Variants in CORO2B observed in about 807,000 individuals in gnomAD.
CORO2B encodes coronin 2B.
Under a neutral mutation model 58.8 loss-of-function variants are expected in CORO2B, and 26 were observed. The observed-to-expected ratio is 0.44, with a 90% CI of 0.32 to 0.61. The LOEUF (loss-of-function observed/expected upper bound fraction) is 0.61. Among genes scored for constraint, CORO2B ranks in the 20% least tolerant of loss-of-function variants. The pLI is 0.04. For missense variants in CORO2B, 460 were observed against 645.1 expected (o/e 0.71, Z 3.11); for synonymous variants, 242 against 253.8 (o/e 0.95, Z 0.44).
intron 2 of CORO2B, among the ~76,000 whole-genome samples, chr15:68,688,767 G>T (rs1342676397): frequency 6.6e-6 from 1 of 152,200 alleles, no homozygotes; most frequent in African/African-American, 2.4e-5. Context: ...GACTGTTTCA[G>T]TGTGCTTCTC....
At position 68,579,023 on chromosome 15, in the gene CORO2B, G is replaced by A. The variant is rs1899343148; in HGVS notation, c.-240G>A. The A allele has an allele frequency of 2.0e-6, 2 of 984,622 alleles. No homozygotes were observed. The highest frequency in any genetic ancestry group is 1.8e-5 in the African/African-American group (1 of 57,084). 61.0% of individuals were successfully genotyped at this position (984,622 alleles called of 1,614,324 possible). On this transcript the variant is annotated 5_prime_UTR_variant, in exon 1 of 12. Coordinates refer to ENST00000261861, the MANE Select transcript of CORO2B (RefSeq NM_006091.5). Reference sequence around the variant, plus strand: ...TGCCTCGCCTTCCTGCGGCGAAGGAGGCTCATCTATTATAAATGCACATTC... The same window carrying A: ...TGCCTCGCCTTCCTGCGGCGAAGGAAGCTCATCTATTATAAATGCACATTC...
chr15:68,710,912 G>C lies in CORO2B; in HGVS notation c.483+31G>C. The C allele has an allele frequency of 6.4e-7, 1 of 1,563,252 alleles. No individual in the cohort carries two copies. Among genetic ancestry groups the C allele is most frequent in the Non-Finnish European group, 8.7e-7 (1 of 1,150,024 alleles). ...CAGTGGGCAGGCAGCTGGGTGGAGA[G>C]GGATTGGGGAAGAGAAAGGGGCCTT... On this transcript the variant is annotated intron_variant, in intron 4 of 11. Coordinates refer to ENST00000261861, the MANE Select transcript of CORO2B (RefSeq NM_006091.5). This position sits in a 1 kb window ranked among gnomAD's most constrained non-coding sequence, Gnocchi z 4.1.
upstream of CORO2B, among the ~76,000 whole-genome samples, chr15:68,576,620 T>C (rs1368247104): frequency 6.6e-6 from 1 of 152,120 alleles, no homozygotes; most frequent in East Asian, 1.9e-4. Context: ...TTTAAAGGTT[T>C]CCGATGGGGT....
At chr15:68,683,802 G>C (rs1028791446) in intron 2 of CORO2B, among the ~76,000 whole-genome samples, 1 of 152,194 alleles carries the variant, frequency 6.6e-6, no homozygotes, top group African/African-American at 2.4e-5. Flanking sequence ...CTCACAGCCT[G>C]GTGGCAGGGA....
At chr15:68,531,799 C>T in the CORO2B span, among the ~76,000 whole-genome samples, 2 of 151,218 alleles carry the variant, frequency 1.3e-5, no homozygotes, top group African/African-American at 4.9e-5. Context: ...CATTTTACTT[C>T]TGCCTAAAGG....
the CORO2B span, among the ~76,000 whole-genome samples, chr15:68,570,122 A>G: frequency 6.6e-6 from 1 of 152,358 alleles, no homozygotes; most frequent in African/African-American, 2.4e-5. Context: ...TGCCATATGT[A>G]GATGACTAGG....
chr15:68,708,026 G>A (rs533326388), intron 3 of CORO2B, among the ~76,000 whole-genome samples: 25 of 152,092 alleles, frequency 1.6e-4, no homozygotes, highest in Non-Finnish European at 3.5e-4. Context: ...GGATGACAAT[G>A]GGGATGGGAA....
intron 1 of CORO2B, among the ~76,000 whole-genome samples, chr15:68,622,744 A>C (rs1488531055): frequency 6.6e-6 from 1 of 152,064 alleles, no homozygotes; most frequent in Non-Finnish European, 1.5e-5. Context: ...GGGATGCAGC[A>C]GAGGACCAAG....
intron 5 of CORO2B, among the ~76,000 whole-genome samples, chr15:68,712,972 G>GCTAGAA (rs918365113): frequency 7.9e-5 from 12 of 152,172 alleles, no homozygotes; most frequent in Non-Finnish European, 1.5e-4. Context: ...TTTTGGTGGA[G>GCTAGAA]CTAGAACTAG....
At chr15:68,633,257 C>T (rs1279497256) in intron 1 of CORO2B, among the ~76,000 whole-genome samples, 2 of 151,924 alleles carry the variant, frequency 1.3e-5, no homozygotes, top group Admixed American at 1.3e-4. Context: ...AACTGTTGGC[C>T]ACAGATCCCA....
the CORO2B span, among the ~76,000 whole-genome samples, chr15:68,568,353 A>G: frequency 6.6e-6 from 1 of 151,948 alleles, no homozygotes; most frequent in Admixed American, 6.6e-5. Context: ...ATGTGTATAG[A>G]GTGCCTAACA....
intron 1 of CORO2B, among the ~76,000 whole-genome samples, chr15:68,596,641 G>A (rs911671689): frequency 2.6e-5 from 4 of 152,128 alleles, no homozygotes; most frequent in African/African-American, 7.2e-5. Flanking sequence ...AAGGCTGGAG[G>A]CCTGGAGCCC....
rs1009300851 is a variant in CORO2B, at chr15:68,616,735, C to T, written c.16-28425C>T. On this transcript the variant is annotated intron_variant, in intron 1 of 11. Transcript: ENST00000261861. ...GGGCCCCGAGAGCTGGGTCTTGCCT[C>T]TTGGGTGCACGTGGTCTCATGGGGG... 3 of 495,986 alleles carry T rather than the reference C, an allele frequency of 6.0e-6. No individual in the cohort carries two copies. In the African/African-American group the frequency reaches 6.3e-5, roughly 10 times the overall value. The allele number at this position is 495,986 out of a possible 1,614,324, so 30.7% of individuals were successfully genotyped here. A position where few individuals can be genotyped will look rare whatever the true frequency, so the allele number is the denominator to read the frequency against.
the CORO2B span, among the ~76,000 whole-genome samples, chr15:68,542,495 C>T: frequency 1.7e-3 from 265 of 152,372 alleles, 2 homozygotes; most frequent in African/African-American, 6.1e-3. Context: ...CAGCACTTCA[C>T]TTCTAAGTAC....
At chr15:68,699,319 G>A (rs1164746319) in intron 3 of CORO2B, among the ~76,000 whole-genome samples, 1 of 152,180 alleles carries the variant, frequency 6.6e-6, no homozygotes, top group Admixed American at 6.5e-5. Flanking sequence ...ACCGAGTGTG[G>A]TGCATGGGAG....
chr15:68,535,012 C>T, the CORO2B span, among the ~76,000 whole-genome samples: 1 of 152,072 alleles, frequency 6.6e-6, no homozygotes, highest in East Asian at 1.9e-4. Flanking sequence ...CCACTGGGTC[C>T]CTCCCACAGC....
chr15:68,527,659 G>A, the CORO2B span, among the ~76,000 whole-genome samples: 1 of 151,978 alleles, frequency 6.6e-6, no homozygotes, highest in African/African-American at 2.4e-5. Flanking sequence ...TAAATCTTTT[G>A]CATATAAATT....
At chr15:68,549,489 T>A in the CORO2B span, among the ~76,000 whole-genome samples, 1 of 152,226 alleles carries the variant, frequency 6.6e-6, no homozygotes, top group Non-Finnish European at 1.5e-5. Flanking sequence ...GACTTCCAGC[T>A]CCTTCCCTCC....
chr15:68,725,832 C>T lies in CORO2B; in HGVS notation c.1312-11C>T. The stretch of plus-strand genomic sequence containing the variant: ...GGGCCCTCCTTGGCCCCCTCTCTTC[C>T]TCCACCCCAGCTCCTTCGAATGTTC... On this transcript the variant is annotated splice_polypyrimidine_tract_variant and intron_variant, in intron 11 of 11. Coordinates refer to ENST00000261861, the MANE Select transcript of CORO2B (RefSeq NM_006091.5). The T allele has an allele frequency of 1.2e-6, 2 of 1,613,384 alleles. No homozygotes were observed. The highest frequency in any genetic ancestry group is 1.7e-6 in the Non-Finnish European group (2 of 1,179,996).
Sources: allele counts gnomAD v4.1 joint callset (sites outside exome capture counted in the v4.1 genomes callset), GRCh38; gene constraint gnomAD v4.1.1; non-coding constraint Gnocchi (gnomAD v3.1); transcripts MANE v1.5; gene names NCBI Gene and HGNC (gene_info 2026-07-23, HGNC 2026-07-21).